PIK3C3: variants seen among roughly 807,000 people sequenced by gnomAD.
PIK3C3 encodes phosphatidylinositol 3-kinase catalytic subunit type 3.
A neutral mutation model predicts 126.1 loss-of-function variants in PIK3C3; 95 were observed. The observed-to-expected ratio is 0.75, with a 90% CI of 0.64 to 0.89. The LOEUF (loss-of-function observed/expected upper bound fraction) is 0.89, where lower values mean the gene tolerates loss of function less well. Among genes scored for constraint, PIK3C3 ranks in the 40% least tolerant of loss-of-function variants. PIK3C3 has a pLI of 0.00. For missense variants in PIK3C3, 829 were observed against 1,063.2 expected (o/e 0.78, Z 3.06); for synonymous variants, 374 against 360.0 (o/e 1.04, Z -0.44).
intron 7 of PIK3C3, among the ~76,000 whole-genome samples, chr18:41,994,337 A>G (rs1981924850): frequency 6.6e-6 from 1 of 152,188 alleles, no homozygotes; most frequent in African/African-American, 2.4e-5. Context: ...TATAAAATCA[A>G]ATTATATTTT....
intron 14 of PIK3C3, among the ~76,000 whole-genome samples, chr18:42,028,013 T>C (rs972971745): frequency 2.0e-5 from 3 of 152,144 alleles, no homozygotes; most frequent in Non-Finnish European, 4.4e-5. Flanking sequence ...TACATGAAAA[T>C]TATGTGAATT....
intron 10 of PIK3C3, among the ~76,000 whole-genome samples, chr18:42,010,566 A>T (rs942167208): frequency 6.6e-6 from 1 of 152,088 alleles, no homozygotes; most frequent in Non-Finnish European, 1.5e-5. Flanking sequence ...GGGTTTCGCC[A>T]TGTTAGCCAG....
rs950456446 is a variant in PIK3C3, at chr18:41,957,670, C to T, written c.169C>T (p.Leu57Phe). Residue 57 changes from leucine to phenylalanine, a missense_variant, in exon 2 of 25, where the codon CTT becomes TTT. This residue lies in a region of PIK3C3 where 313 missense variants were observed against 340.7 expected (regional missense o/e 0.92). Transcript: ENST00000262039. Reference sequence around the variant, plus strand: ...ACTATATCAAGAGACATGCTCTGATCTTTATGTTACTTGTCAAGTTTTTGC... The same window carrying T: ...ACTATATCAAGAGACATGCTCTGATTTTTATGTTACTTGTCAAGTTTTTGC... ...SGLYQETCSD[L>F]YVTCQVFAEG... 21 of 1,613,814 alleles carry T rather than the reference C, an allele frequency of 1.3e-5. No individual in the cohort carries two copies. The highest frequency in any genetic ancestry group is 5.3e-5 in the African/African-American group (4 of 74,914).
chr18:41,994,026 T>A (rs1344761064), intron 7 of PIK3C3, among the ~76,000 whole-genome samples: 1 of 152,150 alleles, frequency 6.6e-6, no homozygotes, highest in African/African-American at 2.4e-5. Context: ...CCAACTCTTT[T>A]TGTTCTAATT....
In PIK3C3 at chr18:42,029,289, C is replaced by A. The variant is rs191212228; in HGVS notation, c.1591-36C>A. The stretch of plus-strand genomic sequence containing the variant: ...TAAAGAAATCCAGATCATTACGCAA[C>A]ATAGAACTAATTTTTTCTCACTTTG... On this transcript the variant is annotated intron_variant, in intron 14 of 24. Coordinates refer to ENST00000262039, the MANE Select transcript of PIK3C3 (RefSeq NM_002647.4). The A allele has an allele frequency of 1.1e-4, 146 of 1,274,836 alleles. No individual in the cohort carries two copies. The African/African-American group carries it at 1.9e-3, about 17-fold the overall frequency. 79.0% of individuals were successfully genotyped at this position (1,274,836 alleles called of 1,614,324 possible).
intron 12 of PIK3C3, among the ~76,000 whole-genome samples, chr18:42,016,360 A>G (rs923309071): frequency 1.3e-5 from 2 of 152,230 alleles, no homozygotes; most frequent in Non-Finnish European, 2.9e-5. Flanking sequence ...TAAGCCCTTT[A>G]AGAAGCCAAT....
chr18:42,054,981 G>A (rs1433014870), intron 21 of PIK3C3, among the ~76,000 whole-genome samples: 1 of 151,728 alleles, frequency 6.6e-6, no homozygotes, highest in Non-Finnish European at 1.5e-5. Context: ...CTATTAGAGA[G>A]AAGAAAATAG....
At chr18:42,073,223 A>G (rs547846333) in intron 24 of PIK3C3, among the ~76,000 whole-genome samples, 1 of 152,308 alleles carries the variant, frequency 6.6e-6, no homozygotes, top group Admixed American at 6.5e-5. Flanking sequence ...GGGAATCCTT[A>G]CTCATCACTT....
intron 13 of PIK3C3, among the ~76,000 whole-genome samples, chr18:42,021,238 A>C (rs1338833294): frequency 6.6e-6 from 1 of 152,056 alleles, no homozygotes; most frequent in Non-Finnish European, 1.5e-5. Context: ...TGTTTCTATG[A>C]CGTTAAATGG....
In PIK3C3 at chr18:42,036,405, A is replaced by AT. The variant is rs201802320; in HGVS notation, c.1840-1279dup. Among the ~76,000 whole-genome samples the AT allele has an allele frequency of 9.0e-3, 1,362 of 150,988 alleles. 18 individuals carry two copies. Among genetic ancestry groups the AT allele is most frequent in the African/African-American group, 0.032 (1,306 of 41,164 alleles). On this transcript the variant is annotated intron_variant, in intron 16 of 24. Transcript: ENST00000262039. Reference sequence around the variant, plus strand: ...GCCATTATTTCTCTTGGTTATTACCATTTTTTTTGTTTTTGTTTTTAAATT... The same window carrying AT: ...GCCATTATTTCTCTTGGTTATTACCATTTTTTTTTGTTTTTGTTTTTAAATT...
rs528671980 is a variant in PIK3C3 at position 42,020,852 on chromosome 18, A to G, written c.1484+147A>G. On this transcript the variant is annotated intron_variant, in intron 13 of 24. Transcript: ENST00000262039. Reference sequence around the variant, plus strand: ...TATTTATATCTAACTGTATTCCCTGACAGCTGGGTTCATGGAAATGCTTGT... The same window carrying G: ...TATTTATATCTAACTGTATTCCCTGGCAGCTGGGTTCATGGAAATGCTTGT... 21 of 559,416 alleles carry G rather than the reference A, an allele frequency of 3.8e-5. No homozygotes were observed. The East Asian group carries it at 6.4e-4, about 17-fold the overall frequency. 34.7% of individuals were successfully genotyped at this position (559,416 alleles called of 1,614,324 possible). A position where few individuals can be genotyped will look rare whatever the true frequency, so the allele number is the denominator to read the frequency against.
At chr18:42,080,267 A>G (rs1338980609) in intron 24 of PIK3C3, among the ~76,000 whole-genome samples, 2 of 152,156 alleles carry the variant, frequency 1.3e-5, no homozygotes, top group Non-Finnish European at 2.9e-5. Context: ...TGAAAAATAA[A>G]TCTTGCCAAT....
rs1980610638 is a variant in PIK3C3, at chr18:41,970,474, G to A, written c.531+18G>A. ...TTGCCAAGGTAAAAAAAGTCATTTG[G>A]AACAGGTGCAAAGCTCTGACTGATG... On this transcript the variant is annotated intron_variant, in intron 4 of 24. Coordinates refer to ENST00000262039, the MANE Select transcript of PIK3C3 (RefSeq NM_002647.4). 6.2e-7 allele frequency: 1 copy of A among 1,611,276 alleles called. No homozygotes were observed. Among genetic ancestry groups the A allele is most frequent in the African/African-American group, 1.3e-5 (1 of 74,810 alleles).
At chr18:42,032,214 T>C (rs1467297799) in intron 15 of PIK3C3, among the ~76,000 whole-genome samples, 3 of 152,138 alleles carry the variant, frequency 2.0e-5, no homozygotes, top group Non-Finnish European at 4.4e-5. Flanking sequence ...GGTGGGAGCA[T>C]GTGTGGCAGT....
chr18:42,054,167 T>G (rs1189095710), intron 21 of PIK3C3, among the ~76,000 whole-genome samples: 1 of 45,632 alleles, frequency 2.2e-5, no homozygotes, highest in Admixed American at 1.8e-4. Context: ...TATATATATA[T>G]ATATATATAT....
Position 42,031,529 on chromosome 18 carries a change from A to G in PIK3C3, c.1707+2088A>G, listed in dbSNP as rs554638967. ...AGCTTCTGCCTCCCGTCTTCAAGCA[A>G]TTAACCTGCCTCAGCCTCCCAGGCA... On this transcript the variant is annotated intron_variant, in intron 15 of 24. Transcript: ENST00000262039. Among the ~76,000 whole-genome samples, 330 of 152,180 alleles carry G rather than the reference A, an allele frequency of 2.2e-3. 2 individuals carry two copies. Among genetic ancestry groups the G allele is most frequent in the African/African-American group, 7.6e-3 (314 of 41,516 alleles).
chr18:41,981,895 A>G (rs189865185), intron 4 of PIK3C3, among the ~76,000 whole-genome samples: 52 of 151,872 alleles, frequency 3.4e-4, no homozygotes, highest in African/African-American at 1.2e-3. Context: ...AAAATAGGAA[A>G]ATCTCTTCAG....
At chr18:42,026,816 T>C (rs1440948787) in intron 13 of PIK3C3, 2 of 152,204 alleles carry the variant, frequency 1.3e-5, no homozygotes, top group Non-Finnish European at 2.9e-5. Flanking sequence ...ATTCAGATCA[T>C]TGCTTATATG....
intron 5 of PIK3C3, among the ~76,000 whole-genome samples, chr18:41,989,465 T>A (rs1308742589): frequency 6.6e-6 from 1 of 152,176 alleles, no homozygotes. Flanking sequence ...ATCACCTTAG[T>A]ATAGTCATGT....
Sources: gnomAD v4.1 joint callset for allele counts (sites outside exome capture counted in the v4.1 genomes callset) on GRCh38, gnomAD v4.1.1 for gene constraint, gnomAD v4.1.1 regional missense constraint, MANE v1.5 for transcripts, NCBI Gene and HGNC (gene_info 2026-07-23, HGNC 2026-07-21) for gene names.